RNLS: variants seen among roughly 807,000 people sequenced by gnomAD.
RNLS encodes renalase.
Under a neutral mutation model 39.8 loss-of-function variants are expected in RNLS, and 39 were observed. That is an observed-to-expected ratio of 0.98 (90% CI 0.76 to 1.28). The LOEUF is 1.28. Among genes scored for constraint, RNLS ranks in the 50% most tolerant of loss-of-function variants. The probability of loss-of-function intolerance (pLI) is 0.00; values close to 1 mark genes in which losing one functional copy is unlikely to be tolerated. For synonymous variants in RNLS, 147 were observed against 150.7 expected (o/e 0.98, Z 0.18); for missense variants, 410 against 413.3 (o/e 0.99, Z 0.07).
intron 3 of RNLS, among the ~76,000 whole-genome samples, chr10:88,575,028 T>C (rs1178629303): frequency 6.6e-6 from 1 of 150,846 alleles, no homozygotes; most frequent in Non-Finnish European, 1.5e-5. Context: ...TGAGTGTGTG[T>C]TTAAGGGGAC....
intron 6 of RNLS, among the ~76,000 whole-genome samples, chr10:88,292,565 T>C (rs1435994907): frequency 6.8e-6 from 1 of 147,322 alleles, no homozygotes; most frequent in African/African-American, 2.6e-5. Flanking sequence ...GCATACAAGG[T>C]AACTCACATT....
chr10:88,535,028 T>C (rs940838250), intron 4 of RNLS, among the ~76,000 whole-genome samples: 1 of 152,176 alleles, frequency 6.6e-6, no homozygotes, highest in African/African-American at 2.4e-5. Flanking sequence ...TCAGTTATAT[T>C]GTTCATGGGT....
At chr10:88,567,877 T>C (rs1029229627) in intron 4 of RNLS, among the ~76,000 whole-genome samples, 4 of 152,220 alleles carry the variant, frequency 2.6e-5, no homozygotes, top group Non-Finnish European at 5.9e-5. Flanking sequence ...TTTCTTTCTA[T>C]TAGTGGCATA....
chr10:88,381,950 C>G (rs924236959), intron 4 of RNLS, among the ~76,000 whole-genome samples: 2 of 151,916 alleles, frequency 1.3e-5, no homozygotes, highest in Non-Finnish European at 2.9e-5. Flanking sequence ...TTTCAGTATC[C>G]ATAAATAAAG....
intron 4 of RNLS, among the ~76,000 whole-genome samples, chr10:88,568,289 T>G (rs928555908): frequency 6.6e-6 from 1 of 152,046 alleles, no homozygotes; most frequent in African/African-American, 2.4e-5. Context: ...AGATTAATGA[T>G]TGCTTAGGGC....
chr10:88,221,154 C>T, the RNLS span, among the ~76,000 whole-genome samples: 72,415 of 151,976 alleles, frequency 0.48, 17,325 homozygotes, highest in East Asian at 0.56. Flanking sequence ...ACTTGTCCCT[C>T]GGGGCTCACA....
At chr10:88,557,106 A>G (rs1302021054) in intron 4 of RNLS, among the ~76,000 whole-genome samples, 1 of 152,202 alleles carries the variant, frequency 6.6e-6, no homozygotes, top group African/African-American at 2.4e-5. Flanking sequence ...CCATTTAAAA[A>G]TAAAACTGAA....
At chr10:88,539,259 G>A (rs921691389) in intron 4 of RNLS, among the ~76,000 whole-genome samples, 1 of 152,016 alleles carries the variant, frequency 6.6e-6, no homozygotes, top group African/African-American at 2.4e-5. Context: ...AGTTTAAAAT[G>A]TTTACAGTTT....
At chr10:88,473,145 T>G (rs1374708555) in intron 4 of RNLS, among the ~76,000 whole-genome samples, 1 of 152,128 alleles carries the variant, frequency 6.6e-6, no homozygotes, top group Non-Finnish European at 1.5e-5. Flanking sequence ...TTTGTGTATC[T>G]AAACACAGGT....
At chr10:88,314,091 A>G (rs1845574597) in intron 6 of RNLS, among the ~76,000 whole-genome samples, 1 of 152,230 alleles carries the variant, frequency 6.6e-6, no homozygotes, top group Non-Finnish European at 1.5e-5. Flanking sequence ...GACATATTGC[A>G]AAATCTTGGG....
chr10:88,504,807 T>C (rs1845694455), intron 4 of RNLS, among the ~76,000 whole-genome samples: 1 of 151,696 alleles, frequency 6.6e-6, no homozygotes, highest in African/African-American at 2.4e-5. Flanking sequence ...TGAATCTATT[T>C]TGTATGTATT....
At chr10:88,268,301 T>C in the RNLS span, among the ~76,000 whole-genome samples, 1 of 152,202 alleles carries the variant, frequency 6.6e-6, no homozygotes, top group Admixed American at 6.5e-5. Flanking sequence ...TAAATGTCAC[T>C]TGTGTTCCCC....
In RNLS at chr10:88,582,232, C is replaced by T. The variant is rs749218402; in HGVS notation, c.194G>A (p.Cys65Tyr). ...GTGTTTTTTGGCATAATGAGGAGTG[C>T]AGGTGATGTACTGAGCACCCAAGTC... Reference protein sequence around the residue: ...TADLGAQYITCTPHYAKKHQR... With the variant: ...TADLGAQYITYTPHYAKKHQR... Residue 65 changes from cysteine (C) to tyrosine (Y), a missense_variant, in exon 2 of 7, where the codon TGC becomes TAC. Transcript: ENST00000331772. 2.5e-5 allele frequency: 40 copies of T among 1,613,674 alleles called. No homozygotes were observed. The highest frequency in any genetic ancestry group is 3.1e-5 in the Non-Finnish European group (36 of 1,179,890).
chr10:88,448,898 A>G (rs1468141132), intron 4 of RNLS, among the ~76,000 whole-genome samples: 2 of 152,114 alleles, frequency 1.3e-5, no homozygotes, highest in Non-Finnish European at 2.9e-5. Context: ...ACTATGGCAA[A>G]GACAAGAGCC....
At chr10:88,339,283 AT>A (rs1479758819) in intron 5 of RNLS, among the ~76,000 whole-genome samples, 2 of 152,228 alleles carry the variant, frequency 1.3e-5, no homozygotes, top group African/African-American at 4.8e-5. Flanking sequence ...TATTTTCTTT[AT>A]ACAAATGACA....
At chr10:88,497,847 A>G (rs945999196) in intron 4 of RNLS, among the ~76,000 whole-genome samples, 1 of 152,092 alleles carries the variant, frequency 6.6e-6, no homozygotes, top group African/African-American at 2.4e-5. Flanking sequence ...TGAATATACC[A>G]TAAAAAAGTT....
At chr10:88,344,293 T>G (rs1848167693) in intron 5 of RNLS, among the ~76,000 whole-genome samples, 2 of 152,128 alleles carry the variant, frequency 1.3e-5, no homozygotes, top group South Asian at 4.2e-4. Flanking sequence ...TAAAGAGAAG[T>G]TTTTGCCTTG....
chr10:88,467,231 AGAAAAG>A (rs1272160099), intron 4 of RNLS, among the ~76,000 whole-genome samples: 2 of 152,180 alleles, frequency 1.3e-5, no homozygotes, highest in African/African-American at 2.4e-5. Context: ...TGAAGCTTTC[AGAAAAG>A]GAAAAGTTTT....
chr10:88,372,790 C>G (rs1850668356), intron 4 of RNLS, among the ~76,000 whole-genome samples: 1 of 152,124 alleles, frequency 6.6e-6, no homozygotes, highest in Non-Finnish European at 1.5e-5. Flanking sequence ...CCTTGGGAAT[C>G]TTCTCTTCAC....
Sources: gnomAD v4.1 joint callset for allele counts (sites outside exome capture counted in the v4.1 genomes callset) on GRCh38, gnomAD v4.1.1 for gene constraint, MANE v1.5 for transcripts, NCBI Gene and HGNC (gene_info 2026-07-23, HGNC 2026-07-21) for gene names.